EML6: variants seen among roughly 807,000 people sequenced by gnomAD.
EML6 encodes echinoderm microtubule-associated protein-like 6.
Under a neutral mutation model 240.1 loss-of-function variants are expected in EML6, and 154 were observed. The ratio of observed to expected loss-of-function variants is 0.64; its 90% CI spans 0.56 to 0.73. The LOEUF is 0.73. Among genes scored for constraint, EML6 ranks in the 30% least tolerant of loss-of-function variants. The pLI, the probability that EML6 is intolerant of heterozygous loss-of-function variation, is 0.00. For missense variants in EML6, 2,964 were observed against 2,474.6 expected (o/e 1.20, Z -4.20); for synonymous variants, 1,148 against 899.0 (o/e 1.28, Z -4.95).
intron 2 of EML6, among the ~76,000 whole-genome samples, chr2:54,752,851 C>CGAT (rs1485438969): frequency 2.0e-5 from 3 of 152,108 alleles, no homozygotes; most frequent in Non-Finnish European, 4.4e-5. Context: ...TGCAGTGGCA[C>CGAT]GATCACGGCT....
At chr2:54,852,075 A>AG (rs1670120840) in intron 10 of EML6, among the ~76,000 whole-genome samples, 2 of 152,248 alleles carry the variant, frequency 1.3e-5, no homozygotes, top group South Asian at 4.1e-4. Context: ...AAGTCTTCAA[A>AG]GATTTGAGGA....
chr2:54,847,378 G>A (rs747655608), intron 8 of EML6, 108 bp from the exon 9 acceptor site: 36 of 1,194,342 alleles, frequency 3.0e-5, no homozygotes, highest in Non-Finnish European at 3.7e-5. Context: ...AAGTTCCTAT[G>A]TCTTTTCTTG....
chr2:54,885,930 A>G (rs1208888278), intron 17 of EML6, among the ~76,000 whole-genome samples: 1 of 152,118 alleles, frequency 6.6e-6, no homozygotes, highest in Non-Finnish European at 1.5e-5. Flanking sequence ...ATTTTCAAAG[A>G]GTCAGAGCCC....
chr2:54,867,511 A>T (rs1403584505), intron 14 of EML6: 2 of 152,232 alleles, frequency 1.3e-5, no homozygotes, highest in African/African-American at 4.8e-5. Context: ...TCACACCTGT[A>T]ATCCCAGCCC....
chr2:54,791,785 A>T (rs1669470511), intron 2 of EML6, among the ~76,000 whole-genome samples: 1 of 152,168 alleles, frequency 6.6e-6, no homozygotes, highest in African/African-American at 2.4e-5. Context: ...TGTGAAGTCC[A>T]GCCCTGGATT....
chr2:54,848,531 A>ACACACACACG (rs1224502360), intron 9 of EML6, among the ~76,000 whole-genome samples: 2 of 151,750 alleles, frequency 1.3e-5, no homozygotes, highest in Non-Finnish European at 2.9e-5. Context: ...CACTACACAC[A>ACACACACACG]CACACACACA....
rs760093873 is a variant in EML6 at position 54,827,635 on chromosome 2, A to T, written c.595A>T (p.Thr199Ser). 1 of 1,551,594 alleles carries T rather than the reference A, an allele frequency of 6.4e-7. No individual in the cohort carries two copies. Among genetic ancestry groups the T allele is most frequent in the Admixed American group, 2.0e-5 (1 of 50,990 alleles). The stretch of plus-strand genomic sequence containing the variant: ...ATTTGGCAAAACAGGGGATCTTCAG[A>T]CCATCCTTTGCCTTGCATGTGCCAA... Reference protein sequence around the residue: ...GIFGKTGDLQTILCLACAKED... With the variant: ...GIFGKTGDLQSILCLACAKED... Residue 199 changes from threonine to serine, a missense_variant, in exon 6 of 42, where the codon ACC becomes TCC. Transcript: ENST00000356458.
chr2:54,941,365 C>T (rs944117677), intron 28 of EML6, among the ~76,000 whole-genome samples: 2 of 152,130 alleles, frequency 1.3e-5, no homozygotes, highest in Non-Finnish European at 2.9e-5. Flanking sequence ...ATTTCAAGCT[C>T]GCCTGAGGCA....
rs1318976412 is a variant in EML6 at position 54,767,622 on chromosome 2, GTGTGTGTGTA to G, written c.197+42374_197+42383del. Among the ~76,000 whole-genome samples, 107 of 145,060 alleles carry G rather than the reference GTGTGTGTGTA, an allele frequency of 7.4e-4. 2 individuals are homozygous for G. Among genetic ancestry groups the G allele is most frequent in the East Asian group, 1.0e-3 (5 of 4,872 alleles). On this transcript the variant is annotated intron_variant, in intron 2 of 41. Transcript: ENST00000356458. ...AGTGTGTGTGTGTGTGTGTGTGTGT[GTGTGTGTGTA>G]TGTGTGTGTGTGTATGTTGCAAAAA... is the stretch of plus-strand genomic sequence containing the variant.
At position 54,831,257 on chromosome 2, in the gene EML6, G is replaced by T. The variant is rs142885393; in HGVS notation, c.847+1780G>T. 1.2e-4 allele frequency among the ~76,000 whole-genome samples: 18 copies of T among 152,240 alleles called. No individual in the cohort carries two copies. In the East Asian group the frequency reaches 3.3e-3, roughly 28 times the overall value. Reference sequence around the variant, plus strand: ...CAACCAGGATTCATGACTCTTTTTGGCAGTTACTCCATTTAACTAATCCAA... The same window carrying T: ...CAACCAGGATTCATGACTCTTTTTGTCAGTTACTCCATTTAACTAATCCAA... On this transcript the variant is annotated intron_variant, in intron 7 of 41. Transcript: ENST00000356458.
At chr2:54,911,754 G>T (rs1333194533) in intron 25 of EML6, among the ~76,000 whole-genome samples, 1 of 152,098 alleles carries the variant, frequency 6.6e-6, no homozygotes, top group African/African-American at 2.4e-5. Context: ...TATTTTTTGA[G>T]ACAAAAACAA....
intron 2 of EML6, among the ~76,000 whole-genome samples, chr2:54,738,110 G>GT (rs201528758): frequency 1.9e-4 from 29 of 150,874 alleles, no homozygotes; most frequent in Admixed American, 8.6e-4. Context: ...GCACATCCTT[G>GT]TTTTTTTTTC....
At chr2:54,969,188 C>A (rs886973668) in intron 41 of EML6, among the ~76,000 whole-genome samples, 1 of 152,148 alleles carries the variant, frequency 6.6e-6, no homozygotes, top group Non-Finnish European at 1.5e-5. Context: ...TTGGGAATTT[C>A]TTTATTTACT....
At chr2:54,919,140 G>A (rs1573141855) in intron 26 of EML6, among the ~76,000 whole-genome samples, 1 of 151,992 alleles carries the variant, frequency 6.6e-6, no homozygotes, top group South Asian at 2.1e-4. Flanking sequence ...CTCCTTTGCG[G>A]TTTGAAGAAC....
At chr2:54,810,301 C>G (rs377523785) in intron 2 of EML6, among the ~76,000 whole-genome samples, 6 of 152,142 alleles carry the variant, frequency 3.9e-5, no homozygotes, top group African/African-American at 1.4e-4. Context: ...CATAAAAATA[C>G]TTTAAATCCA....
intron 12 of EML6, among the ~76,000 whole-genome samples, chr2:54,861,234 G>A (rs997248002): frequency 1.3e-5 from 2 of 152,132 alleles, no homozygotes; most frequent in Admixed American, 6.5e-5. Context: ...CATACTTACT[G>A]GAAAAAGTTT....
chr2:54,903,084 A>G lies in EML6; in HGVS notation c.3165A>G (p.Leu1055=). ...CCAFSPDGKA[L]AVGLNDGSFL... is the part of the protein sequence containing the mutation. Reference sequence around the variant, plus strand: ...CCTTTTCCCCTGATGGGAAAGCCTTAGCGGTTGGCTTGAACGATGGGAGTT... The same window carrying G: ...CCTTTTCCCCTGATGGGAAAGCCTTGGCGGTTGGCTTGAACGATGGGAGTT... The change falls in exon 23 of 42, where the codon TTA becomes TTG. Residue 1055 remains leucine, a synonymous_variant. Coordinates refer to ENST00000356458, the MANE Select transcript of EML6 (RefSeq NM_001039753.4). The G allele has an allele frequency of 6.4e-7, 1 of 1,551,800 alleles. No individual in the cohort carries two copies. Among genetic ancestry groups the G allele is most frequent in the Non-Finnish European group, 8.7e-7 (1 of 1,147,010 alleles).
At chr2:54,827,421 T>C (rs1668648934) in intron 5 of EML6, 145 bp from the exon 6 acceptor site, 1 of 642,894 alleles carries the variant, frequency 1.6e-6, no homozygotes, top group South Asian at 2.1e-5. Flanking sequence ...TTACATGTTG[T>C]TATGTTACAG....
At chr2:54,797,167 A>AAAAAAAAAAACAAAAAAAAAAC (rs1669838461) in intron 2 of EML6, among the ~76,000 whole-genome samples, 4 of 114,016 alleles carry the variant, frequency 3.5e-5, no homozygotes, top group Non-Finnish European at 7.9e-5. Flanking sequence ...TCCATCTCAA[A>AAAAAAAAAAACAAAAAAAAAAC]AAAAAAAAAA....
Sources: gnomAD v4.1 joint callset for allele counts (sites outside exome capture counted in the v4.1 genomes callset) on GRCh38, gnomAD v4.1.1 for gene constraint, MANE v1.5 for transcripts, NCBI Gene and HGNC (gene_info 2026-07-23, HGNC 2026-07-21) for gene names.